DAPK2: variants seen among roughly 807,000 people sequenced by gnomAD.
DAPK2 encodes death associated protein kinase 2.
A neutral mutation model predicts 44.1 loss-of-function variants in DAPK2; 35 were observed. The ratio of observed to expected loss-of-function variants is 0.79; its 90% CI spans 0.61 to 1.05. DAPK2 has a LOEUF of 1.05. DAPK2 is among the 50% of genes least tolerant of loss of function. The pLI is 0.00. For synonymous variants in DAPK2, 174 were observed against 182.6 expected (o/e 0.95, Z 0.38); for missense variants, 453 against 483.2 (o/e 0.94, Z 0.59).
chr15:63,930,169 C>T (rs1314652499), intron 5 of DAPK2, among the ~76,000 whole-genome samples: 1 of 152,248 alleles, frequency 6.6e-6, no homozygotes, highest in Non-Finnish European at 1.5e-5. Context: ...CCTCTTGCTC[C>T]TCCATTCCTG....
chr15:63,990,452 G>A lies in DAPK2; in HGVS notation c.93-6698C>T, dbSNP rs1300054458. On this transcript the variant is annotated intron_variant, in intron 1 of 10. Transcript: ENST00000261891. This position sits in a 1 kb window ranked among gnomAD's most constrained non-coding sequence, Gnocchi z 4.3. The stretch of plus-strand genomic sequence containing the variant: ...AGAAAAAGAAAAAGAAAGGTCCATG[G>A]ATTGAGTGGGTCTACCTCATTCCCT... Among the ~76,000 whole-genome samples the A allele has an allele frequency of 6.6e-6, 1 of 150,944 alleles. No individual in the cohort carries two copies. The highest frequency in any genetic ancestry group is 1.5e-5 in the Non-Finnish European group (1 of 67,788).
intron 1 of DAPK2, among the ~76,000 whole-genome samples, chr15:64,002,500 A>C (rs1817761361): frequency 6.6e-6 from 1 of 152,242 alleles, no homozygotes; most frequent in Non-Finnish European, 1.5e-5. Flanking sequence ...AATATTTCAT[A>C]ATTAATGGAT....
intron 3 of DAPK2, among the ~76,000 whole-genome samples, chr15:63,961,529 G>A (rs2077900302): frequency 6.6e-6 from 1 of 152,110 alleles, no homozygotes; most frequent in Non-Finnish European, 1.5e-5. Context: ...CTCTTGTAAG[G>A]CAGGCCTGGT....
chr15:63,909,856 G>A (rs995691701), intron 10 of DAPK2: 1 of 151,964 alleles, frequency 6.6e-6, no homozygotes, highest in Non-Finnish European at 1.5e-5. Flanking sequence ...TCTCCCCACA[G>A]ATTGTATCTG....
chr15:63,999,086 C>G (rs1297336357), intron 1 of DAPK2, among the ~76,000 whole-genome samples: 1 of 152,208 alleles, frequency 6.6e-6, no homozygotes, highest in Non-Finnish European at 1.5e-5. Flanking sequence ...AAACTAAACT[C>G]AGCTCGGGAG....
chr15:63,983,911 G>C (rs1386118890), intron 1 of DAPK2, among the ~76,000 whole-genome samples, 157 bp from the exon 3 acceptor site: 1 of 152,192 alleles, frequency 6.6e-6, no homozygotes, highest in African/African-American at 2.4e-5. Flanking sequence ...ACAACCTGTG[G>C]ATGAGATGGG....
At chr15:63,941,838 C>G (rs893869741) in intron 3 of DAPK2, among the ~76,000 whole-genome samples, 1 of 152,114 alleles carries the variant, frequency 6.6e-6, no homozygotes, top group Admixed American at 6.5e-5. Context: ...GAAAGTGGCC[C>G]CACTCTAGCA....
rs961452165 is a variant in DAPK2, at chr15:63,916,500, A to C, written c.859-4303T>G. On this transcript the variant is annotated intron_variant, in intron 8 of 10. Transcript: ENST00000261891. The surrounding 1 kb of genome is among the most constrained non-coding windows in gnomAD (Gnocchi z 4.7). The stretch of plus-strand genomic sequence containing the variant: ...TGCCCTTCCCTCAATGGAGTTTTAT[A>C]GGTGGCACCCCTCCACCCCTCCCCT... 5 of 152,248 alleles carry C rather than the reference A, an allele frequency of 3.3e-5. No individual in the cohort carries two copies. Among genetic ancestry groups the C allele is most frequent in the African/African-American group, 1.2e-4 (5 of 41,420 alleles). 9.4% of individuals were successfully genotyped at this position (152,248 alleles called of 1,614,324 possible). A position where few individuals can be genotyped will look rare whatever the true frequency, so the allele number is the denominator to read the frequency against.
At chr15:63,948,208 T>G (rs1265039288) in intron 3 of DAPK2, among the ~76,000 whole-genome samples, 2 of 129,704 alleles carry the variant, frequency 1.5e-5, no homozygotes, top group Non-Finnish European at 3.1e-5. Flanking sequence ...GAGGCAGAGG[T>G]TGCAGTGAGC....
At chr15:64,000,186 T>TACTACAC (rs1198868040) in intron 1 of DAPK2, among the ~76,000 whole-genome samples, 1 of 147,828 alleles carries the variant, frequency 6.8e-6, no homozygotes. Context: ...CTACTACTAC[T>TACTACAC]ACACACACAC....
intron 1 of DAPK2, among the ~76,000 whole-genome samples, chr15:64,001,036 C>T (rs375493809): frequency 2.6e-5 from 4 of 152,016 alleles, no homozygotes; most frequent in Non-Finnish European, 5.9e-5. Flanking sequence ...CGTGCCACCA[C>T]GCCCAGCTAA....
At chr15:63,952,391 T>G (rs561994177) in intron 3 of DAPK2, among the ~76,000 whole-genome samples, 1 of 152,086 alleles carries the variant, frequency 6.6e-6, no homozygotes, top group Non-Finnish European at 1.5e-5. Context: ...AGGAAATCCA[T>G]GAGCAGAAAA....
At chr15:63,947,868 A>T (rs537745665) in intron 3 of DAPK2, among the ~76,000 whole-genome samples, 4 of 151,942 alleles carry the variant, frequency 2.6e-5, no homozygotes, top group Non-Finnish European at 5.9e-5. Flanking sequence ...TCCTTCTCCC[A>T]TCTCCATTCA....
chr15:63,959,240 T>G (rs916963806), intron 3 of DAPK2, among the ~76,000 whole-genome samples: 1 of 152,238 alleles, frequency 6.6e-6, no homozygotes, highest in Non-Finnish European at 1.5e-5. Flanking sequence ...CTTATCAGCT[T>G]AAGGAGATTT....
At chr15:63,949,479 G>A (rs574625798) in intron 3 of DAPK2, among the ~76,000 whole-genome samples, 2 of 152,250 alleles carry the variant, frequency 1.3e-5, no homozygotes, top group South Asian at 4.1e-4. Flanking sequence ...GACCCTCAAA[G>A]CCAACGGGTG....
In DAPK2 at chr15:63,923,489, C is replaced by T; in HGVS notation, c.858+1327G>A. On this transcript the variant is annotated intron_variant, in intron 8 of 10. Coordinates refer to ENST00000261891, the Ensembl canonical transcript of DAPK2. The surrounding 1 kb of genome is among the most constrained non-coding windows in gnomAD (Gnocchi z 4.2). ...ATGGGGAGAACCAGGGTGGGATGAG[C>T]ACCTCCTTAGGCCATAAGTGAGGTC... 7.1e-7 allele frequency: 1 copy of T among 1,413,582 alleles called. No homozygotes were observed. Among genetic ancestry groups the T allele is most frequent in the Non-Finnish European group, 9.3e-7 (1 of 1,075,278 alleles). 87.6% of individuals were successfully genotyped at this position (1,413,582 alleles called of 1,614,324 possible). A position where few individuals can be genotyped will look rare whatever the true frequency, so the allele number is the denominator to read the frequency against.
At chr15:64,004,599 G>T (rs1210783506) in intron 1 of DAPK2, among the ~76,000 whole-genome samples, 1 of 152,208 alleles carries the variant, frequency 6.6e-6, no homozygotes, top group African/African-American at 2.4e-5. Flanking sequence ...CCTCTTCAAG[G>T]GTGGAGATAG....
At chr15:64,027,244 C>T (rs1197635998) in intron 1 of DAPK2, among the ~76,000 whole-genome samples, 1 of 151,962 alleles carries the variant, frequency 6.6e-6, no homozygotes, top group Non-Finnish European at 1.5e-5. Context: ...ACTAACCAGG[C>T]GTAGTGGTGT....
intron 1 of DAPK2, among the ~76,000 whole-genome samples, chr15:64,012,151 C>T (rs887921727): frequency 6.6e-6 from 1 of 152,162 alleles, no homozygotes; most frequent in Non-Finnish European, 1.5e-5. Context: ...TGTCACTACC[C>T]CTCACTGCTG....
Sources: allele counts gnomAD v4.1 joint callset (sites outside exome capture counted in the v4.1 genomes callset), GRCh38; gene constraint gnomAD v4.1.1; non-coding constraint Gnocchi (gnomAD v3.1); transcripts MANE v1.5; gene names NCBI Gene and HGNC (gene_info 2026-07-23, HGNC 2026-07-21).